Variants in IL1RAPL1 observed in about 807,000 individuals in gnomAD.
IL1RAPL1 encodes interleukin 1 receptor accessory protein like 1, also known as interleukin-1 receptor accessory protein-like 1.
In IL1RAPL1, 3 loss-of-function variants were observed where a neutral mutation model predicts 48.4. The ratio of observed to expected loss-of-function variants is 0.06; its 90% CI spans 0.03 to 0.16. The LOEUF (loss-of-function observed/expected upper bound fraction) is 0.16, where lower values mean the gene tolerates loss of function less well. IL1RAPL1 is among the 10% of genes least tolerant of loss of function. IL1RAPL1 has a pLI of 1.00. For synonymous variants in IL1RAPL1, 185 were observed against 187.7 expected, an observed-to-expected ratio of 0.99 and a Z score of 0.12; for missense variants, 349 against 530.6, an observed-to-expected ratio of 0.66 and a Z score of 3.36.
At chrX:29,454,370 A>G (rs966010763) in intron 5 of IL1RAPL1, among the ~76,000 whole-genome samples, 23 of 111,864 alleles carry the variant, frequency 2.1e-4, no homozygotes, top group African/African-American at 2.3e-4. Flanking sequence ...TTAAACTTGG[A>G]GCTGGTAGTT....
chrX:29,249,835 A>G (rs996308432), intron 2 of IL1RAPL1, among the ~76,000 whole-genome samples: 5 of 111,617 alleles, frequency 4.5e-5, no homozygotes, highest in Non-Finnish European at 7.5e-5. Context: ...GCTGAGTGAT[A>G]TTTTTGAAAA....
chrX:29,002,050 T>C, intron 2 of IL1RAPL1, among the ~76,000 whole-genome samples: 3 of 109,212 alleles, frequency 2.7e-5, no homozygotes, highest in Non-Finnish European at 5.7e-5. Context: ...TGCATGCCAC[T>C]ATGTCCGGCT....
chrX:29,349,800 G>A (rs1204889632), intron 3 of IL1RAPL1, among the ~76,000 whole-genome samples: 4 of 109,921 alleles, frequency 3.6e-5, no homozygotes, highest in Non-Finnish European at 7.6e-5. Context: ...TTCCAGTAAC[G>A]CAGGGAGTGT....
intron 2 of IL1RAPL1, among the ~76,000 whole-genome samples, chrX:29,217,581 G>T (rs755477391): frequency 2.7e-5 from 3 of 111,421 alleles, no homozygotes; most frequent in African/African-American, 6.5e-5. Context: ...TAGCTGCCAG[G>T]TATTTATCTT....
chrX:28,775,745 A>G (rs1400286308), intron 1 of IL1RAPL1, among the ~76,000 whole-genome samples: 1 of 112,347 alleles, frequency 8.9e-6, no homozygotes, highest in African/African-American at 3.2e-5. Flanking sequence ...CCCTTATTCA[A>G]TCTACTCCAA....
chrX:28,875,531 T>A (rs1922347105), intron 2 of IL1RAPL1, among the ~76,000 whole-genome samples: 1 of 111,763 alleles, frequency 8.9e-6, no homozygotes, highest in Admixed American at 9.5e-5. Context: ...CTGGCTGATA[T>A]GGTTTGGATA....
At chrX:29,035,857 C>T (rs1483752790) in intron 2 of IL1RAPL1, among the ~76,000 whole-genome samples, 3 of 111,604 alleles carry the variant, frequency 2.7e-5, no homozygotes, top group East Asian at 5.6e-4. Flanking sequence ...GCCCAAAGCC[C>T]GTGGTGGAAA....
At chrX:28,727,146 T>C (rs1429336714) in intron 1 of IL1RAPL1, among the ~76,000 whole-genome samples, 2 of 111,436 alleles carry the variant, frequency 1.8e-5, no homozygotes, top group African/African-American at 6.5e-5. Context: ...TTTCACGATA[T>C]TGATTCTTCC....
intron 2 of IL1RAPL1, among the ~76,000 whole-genome samples, chrX:29,014,664 T>C (rs911440200): frequency 8.9e-6 from 1 of 112,066 alleles, no homozygotes; most frequent in African/African-American, 3.2e-5. Context: ...TCAGGTCAAA[T>C]TTTTTAATAA....
At chrX:29,649,825 G>A (rs953892095) in intron 5 of IL1RAPL1, among the ~76,000 whole-genome samples, 2 of 111,360 alleles carry the variant, frequency 1.8e-5, no homozygotes, top group African/African-American at 6.5e-5. Context: ...AACTTTTCAT[G>A]TTTGCAGAGA....
chrX:29,149,204 T>G (rs956989365), intron 2 of IL1RAPL1, among the ~76,000 whole-genome samples: 3 of 110,875 alleles, frequency 2.7e-5, no homozygotes, highest in African/African-American at 9.8e-5. Context: ...ATACTCTGCT[T>G]TATTACATCA....
rs185979721 is a variant in IL1RAPL1, at chrX:28,806,696, C to T, written c.82+17271C>T. On this transcript the variant is annotated intron_variant, in intron 2 of 10. Coordinates refer to ENST00000378993, the MANE Select transcript of IL1RAPL1 (RefSeq NM_014271.4). ...TGCCACTCTAACTGACATGCTGCTC[C>T]GTGATGAACAGTGATGACTTACTGT... Among the ~76,000 whole-genome samples, 659 of 111,461 alleles carry T rather than the reference C, an allele frequency of 5.9e-3. 4 individuals are homozygous for T. The highest frequency in any genetic ancestry group is 8.6e-3 in the Non-Finnish European group (457 of 52,912).
At chrX:29,641,684 C>T (rs1398229369) in intron 5 of IL1RAPL1, among the ~76,000 whole-genome samples, 1 of 112,689 alleles carries the variant, frequency 8.9e-6, no homozygotes, top group Non-Finnish European at 1.9e-5. Flanking sequence ...GCACAAAGGG[C>T]TTTGATAAGC....
At chrX:29,022,438 A>G (rs947349150) in intron 2 of IL1RAPL1, among the ~76,000 whole-genome samples, 7 of 112,218 alleles carry the variant, frequency 6.2e-5, no homozygotes, top group Middle Eastern at 9.1e-3. Flanking sequence ...CATTCAAGTC[A>G]TAATGTGTAC....
intron 6 of IL1RAPL1, among the ~76,000 whole-genome samples, chrX:29,915,680 G>C (rs1029634599): frequency 2.8e-4 from 29 of 104,419 alleles, no homozygotes; most frequent in Admixed American, 1.5e-3. Flanking sequence ...TGCTCCTTAG[G>C]ATCGCAGAGT....
At chrX:28,810,319 G>A (rs905543210) in intron 2 of IL1RAPL1, among the ~76,000 whole-genome samples, 2 of 110,444 alleles carry the variant, frequency 1.8e-5, no homozygotes, top group African/African-American at 6.6e-5. Flanking sequence ...CAACATTTCC[G>A]TAGTTAGTAA....
At chrX:29,768,599 T>C (rs745919513) in intron 6 of IL1RAPL1, among the ~76,000 whole-genome samples, 2 of 112,025 alleles carry the variant, frequency 1.8e-5, no homozygotes, top group Non-Finnish European at 3.8e-5. Context: ...ATGTGGTCTG[T>C]CTTCCTGTGT....
chrX:29,016,736 A>AT (rs1292727999), intron 2 of IL1RAPL1, among the ~76,000 whole-genome samples: 1 of 111,279 alleles, frequency 9.0e-6, no homozygotes, highest in East Asian at 2.8e-4. Flanking sequence ...TATAGTTCAA[A>AT]TTATAAGTAT....
At chrX:29,535,162 A>AG (rs2147780200) in intron 5 of IL1RAPL1, among the ~76,000 whole-genome samples, 1 of 104,680 alleles carries the variant, frequency 9.6e-6, no homozygotes, top group African/African-American at 3.6e-5. Flanking sequence ...AAAAAAAAAA[A>AG]TTAACTCCCT....
Sources: allele counts gnomAD v4.1 joint callset (sites outside exome capture counted in the v4.1 genomes callset), GRCh38; gene constraint gnomAD v4.1.1; transcripts MANE v1.5; gene names NCBI Gene and HGNC (gene_info 2026-07-23, HGNC 2026-07-21).